Variants in PRKCH observed in about 807,000 individuals in gnomAD.
PRKCH encodes the protein protein kinase C eta type.
A neutral mutation model predicts 82.5 loss-of-function variants in PRKCH; 28 were observed. That is an observed-to-expected ratio of 0.34 (90% CI 0.25 to 0.47). The LOEUF is 0.47. Ranked by LOEUF, PRKCH falls within the 20% of genes least tolerant of loss-of-function variation. The pLI is 1.00. For missense variants in PRKCH, 705 were observed against 881.8 expected (o/e 0.80, Z 2.54); for synonymous variants, 322 against 327.4 (o/e 0.98, Z 0.18).
chr14:61,301,947 C>T (rs2045450847), intron 1 of PRKCH, among the ~76,000 whole-genome samples: 1 of 152,166 alleles, frequency 6.6e-6, no homozygotes, highest in African/African-American at 2.4e-5. Context: ...TCATCATTCC[C>T]AAGAGTTCTC....
chr14:61,251,618 G>A (rs903235555), intron 1 of PRKCH, among the ~76,000 whole-genome samples: 4 of 152,270 alleles, frequency 2.6e-5, no homozygotes, highest in African/African-American at 9.6e-5. Context: ...GGACACTCAG[G>A]TTGCTTCCAA....
At chr14:61,231,361 A>ATT (rs1158357722) in intron 1 of PRKCH, among the ~76,000 whole-genome samples, 1 of 55,908 alleles carries the variant, frequency 1.8e-5, no homozygotes, top group Non-Finnish European at 4.3e-5. Context: ...AATCCAGATG[A>ATT]ATTTTTTTTT....
At chr14:61,409,667 C>T (rs2078855111) in intron 2 of PRKCH, among the ~76,000 whole-genome samples, 2 of 124,528 alleles carry the variant, frequency 1.6e-5, no homozygotes, top group African/African-American at 6.1e-5. Flanking sequence ...TGTGCTCCAA[C>T]CTGAGTAACA....
chr14:61,460,510 C>T (rs547685957), intron 9 of PRKCH, among the ~76,000 whole-genome samples: 5 of 152,288 alleles, frequency 3.3e-5, no homozygotes, highest in African/African-American at 7.2e-5. Context: ...GTCCATGTAC[C>T]ACACATTGTT....
rs568287827 is a variant in PRKCH, at chr14:61,391,249, G to A, written c.388G>A (p.Val130Ile). 38 of 1,611,384 alleles carry A rather than the reference G, an allele frequency of 2.4e-5. 1 individual carries two copies. The South Asian group carries it at 4.1e-4, about 17-fold the overall frequency. Residue 130 changes from valine (V) to isoleucine (I), a missense_variant, in exon 2 of 14, where the codon GTA (valine) becomes ATA (isoleucine). Val to Ile is a conservative substitution (Grantham distance 29). Around this residue, in one of 5 missense-constraint regions of PRKCH, gnomAD observed 246 missense variants for 308.0 expected, o/e 0.80. Transcript: ENST00000332981. The part of the protein sequence containing the change: ...GWVDLEPEGK[V>I]FVVITLTGSF... ...GGTGGATCTCGAGCCAGAGGGGAAAGTATTTGTGGTAATAACCCTTACCGG... is the reference window on the plus strand; with the variant it reads ...GGTGGATCTCGAGCCAGAGGGGAAAATATTTGTGGTAATAACCCTTACCGG...
At chr14:61,421,187 G>A (rs1195844744) in intron 2 of PRKCH, among the ~76,000 whole-genome samples, 1 of 151,380 alleles carries the variant, frequency 6.6e-6, no homozygotes, top group Non-Finnish European at 1.5e-5. Flanking sequence ...GTCCCCCATG[G>A]TTCCCTTATA....
intron 1 of PRKCH, among the ~76,000 whole-genome samples, chr14:61,273,631 T>G (rs891466836): frequency 1.3e-5 from 2 of 152,184 alleles, no homozygotes; most frequent in Non-Finnish European, 2.9e-5. Context: ...TTTTGCAAAT[T>G]AGTTTATGGA....
chr14:61,237,394 G>GA (rs370636560), intron 1 of PRKCH, among the ~76,000 whole-genome samples: 5 of 152,074 alleles, frequency 3.3e-5, no homozygotes, highest in East Asian at 1.9e-4. Flanking sequence ...TGTCTCTTGT[G>GA]AAAAAAATCT....
At chr14:61,244,762 C>A (rs1275829346) in intron 1 of PRKCH, among the ~76,000 whole-genome samples, 1 of 152,194 alleles carries the variant, frequency 6.6e-6, no homozygotes, top group Non-Finnish European at 1.5e-5. Context: ...CTTTAGTCCG[C>A]CCTCAACTGG....
At chr14:61,256,724 C>T (rs1007632298) in intron 1 of PRKCH, among the ~76,000 whole-genome samples, 2 of 151,988 alleles carry the variant, frequency 1.3e-5, no homozygotes, top group Admixed American at 6.6e-5. Flanking sequence ...TTTGTTGCTC[C>T]GAATTTTTTA....
At chr14:61,229,741 C>A (rs928878207) in intron 1 of PRKCH, among the ~76,000 whole-genome samples, 1 of 152,180 alleles carries the variant, frequency 6.6e-6, no homozygotes, top group Admixed American at 6.5e-5. Flanking sequence ...CACCTAACCA[C>A]ATTAACACAC....
intron 2 of PRKCH, among the ~76,000 whole-genome samples, chr14:61,418,944 C>T (rs1005376648): frequency 1.3e-5 from 2 of 152,288 alleles, no homozygotes; most frequent in South Asian, 2.1e-4. Flanking sequence ...AGCCAACACC[C>T]GTGGCTTCCT....
intron 10 of PRKCH, among the ~76,000 whole-genome samples, chr14:61,521,869 A>G (rs1018311616): frequency 6.6e-6 from 1 of 152,152 alleles, no homozygotes; most frequent in African/African-American, 2.4e-5. Context: ...CTCAGTGTAA[A>G]AAAGAGCAGA....
upstream of PRKCH, among the ~76,000 whole-genome samples, chr14:61,316,988 G>T (rs1476681233): frequency 1.3e-5 from 2 of 152,130 alleles, no homozygotes; most frequent in South Asian, 4.1e-4. Context: ...ATGGTGAGAG[G>T]GTAGCTTGAC....
chr14:61,333,165 A>G (rs1194438731), intron 1 of PRKCH, among the ~76,000 whole-genome samples: 3 of 152,216 alleles, frequency 2.0e-5, no homozygotes, highest in African/African-American at 4.8e-5. Context: ...TTGTTTAATT[A>G]TGGTACAGAA....
At chr14:61,432,051 G>T (rs116733810) in intron 2 of PRKCH, among the ~76,000 whole-genome samples, 3 of 133,562 alleles carry the variant, frequency 2.2e-5, no homozygotes, top group Admixed American at 7.6e-5. Flanking sequence ...TGGTTTGGAA[G>T]ATAGAATCTC....
chr14:61,381,672 C>CTA (rs2046511608), intron 1 of PRKCH, among the ~76,000 whole-genome samples: 1 of 152,250 alleles, frequency 6.6e-6, no homozygotes, highest in African/African-American at 2.4e-5. Flanking sequence ...CGCCTCGGGC[C>CTA]CTCATTGAGA....
chr14:61,303,047 C>T (rs1035744222), intron 1 of PRKCH: 8 of 129,584 alleles, frequency 6.2e-5, no homozygotes, highest in Non-Finnish European at 1.1e-4. Context: ...GGGTCTCACT[C>T]TGTCATCCAG....
chr14:61,381,433 C>T (rs2140186355), intron 1 of PRKCH, among the ~76,000 whole-genome samples: 1 of 152,354 alleles, frequency 6.6e-6, no homozygotes, highest in East Asian at 1.9e-4. Flanking sequence ...TATGCTTTAA[C>T]ACATAACACC....
Sources: gnomAD v4.1 joint callset for allele counts (sites outside exome capture counted in the v4.1 genomes callset) on GRCh38, gnomAD v4.1.1 for gene constraint, gnomAD v4.1.1 regional missense constraint, MANE v1.5 for transcripts, NCBI Gene and HGNC (gene_info 2026-07-23, HGNC 2026-07-21) for gene names.